The following COL22A1 variants were observed in gnomAD, a reference collection of about 807,000 sequenced individuals.
COL22A1 encodes collagen alpha-1(XXII) chain.
COL22A1 carries 221 observed loss-of-function variants against 248.9 expected under a neutral mutation model. The ratio of observed to expected loss-of-function variants is 0.89; its 90% confidence interval spans 0.80 to 0.99. The LOEUF is 0.99. Ranked by LOEUF, COL22A1 falls within the 50% of genes least tolerant of loss-of-function variation. The pLI is 0.00. For missense variants in COL22A1, 2,240 were observed against 2,179.0 expected (o/e 1.03, Z -0.56); for synonymous variants, 891 against 793.4 (o/e 1.12, Z -2.07).
intron 3 of COL22A1, among the ~76,000 whole-genome samples, chr8:138,872,218 C>T (rs1203341978): frequency 1.3e-5 from 2 of 152,120 alleles, no homozygotes; most frequent in Non-Finnish European, 2.9e-5. Context: ...GTGGAAGCGC[C>T]CAGGAGTCAA....
chr8:138,853,678 G>A (rs1821803834), intron 3 of COL22A1, among the ~76,000 whole-genome samples: 1 of 152,046 alleles, frequency 6.6e-6, no homozygotes. Flanking sequence ...CAAACATTTG[G>A]GATTAAGGCG....
chr8:138,883,059 G>A (rs1407903920), intron 2 of COL22A1, 23 bp downstream of exon 2: 10 of 1,553,700 alleles, frequency 6.4e-6, no homozygotes, highest in South Asian at 1.2e-5. Flanking sequence ...AGCACAGCAT[G>A]GCACAGCCCA....
At chr8:138,847,797 AT>A (rs1019558152) in intron 3 of COL22A1, among the ~76,000 whole-genome samples, 1 of 143,850 alleles carries the variant, frequency 7.0e-6, no homozygotes, top group Non-Finnish European at 1.5e-5. Flanking sequence ...GAGGCATAAG[AT>A]TAAAAAAAAA....
At chr8:138,858,658 G>A (rs552981652) in intron 3 of COL22A1, among the ~76,000 whole-genome samples, 1 of 152,298 alleles carries the variant, frequency 6.6e-6, no homozygotes, top group South Asian at 2.1e-4. Flanking sequence ...TCAGAGAGGA[G>A]GAGCTGAAGA....
rs574305861 is a variant in COL22A1 at position 138,708,438 on chromosome 8, G to C, written c.2518-5091C>G. On this transcript the variant is annotated intron_variant, in intron 30 of 64. Coordinates refer to ENST00000303045, the MANE Select transcript of COL22A1 (RefSeq NM_152888.3). Reference sequence around the variant, plus strand: ...AGCATGGTACTGGTACCAAAACGGAGATATAGACCAATGGAACAGAACAGA... The same window carrying C: ...AGCATGGTACTGGTACCAAAACGGACATATAGACCAATGGAACAGAACAGA... 5.4e-3 allele frequency among the ~76,000 whole-genome samples: 816 copies of C among 152,264 alleles called. 6 individuals are homozygous for C. Among genetic ancestry groups the C allele is most frequent in the African/African-American group, 0.019 (789 of 41,552 alleles).
chr8:138,683,011 TA>T (rs1826074070), intron 39 of COL22A1, among the ~76,000 whole-genome samples: 1 of 152,140 alleles, frequency 6.6e-6, no homozygotes, highest in South Asian at 2.1e-4. Context: ...ACATGCACTT[TA>T]AAACCAGGAC....
At chr8:138,703,807 G>A (rs1586509438) in intron 30 of COL22A1, among the ~76,000 whole-genome samples, 1 of 152,268 alleles carries the variant, frequency 6.6e-6, no homozygotes, top group East Asian at 1.9e-4. Flanking sequence ...CACGGAGTGT[G>A]AGCCAAAGCA....
At chr8:138,708,593 G>A (rs1828686127) in intron 30 of COL22A1, among the ~76,000 whole-genome samples, 1 of 152,188 alleles carries the variant, frequency 6.6e-6, no homozygotes, top group Non-Finnish European at 1.5e-5. Flanking sequence ...TATGTAGAAA[G>A]CTGAAACTGG....
At chr8:138,704,223 G>A (rs937453296) in intron 30 of COL22A1, among the ~76,000 whole-genome samples, 1 of 152,226 alleles carries the variant, frequency 6.6e-6, no homozygotes, top group Non-Finnish European at 1.5e-5. Context: ...ACAAAAGGCA[G>A]CAGAAACTTC....
At chr8:138,743,166 T>A (rs187286352) in intron 22 of COL22A1, among the ~76,000 whole-genome samples, 2 of 149,962 alleles carry the variant, frequency 1.3e-5, no homozygotes, top group East Asian at 2.0e-4. Flanking sequence ...GTGGTAGTGA[T>A]CACGATGGTG....
intron 47 of COL22A1, among the ~76,000 whole-genome samples, chr8:138,645,923 C>T (rs529074074): frequency 6.6e-6 from 1 of 152,150 alleles, no homozygotes; most frequent in African/African-American, 2.4e-5. Context: ...TGGGGAGCAC[C>T]AATGACAGCG....
In COL22A1 at chr8:138,595,715, G is replaced by T. The variant is rs555243818; in HGVS notation, c.4432+1189C>A. ...CTCCAAGAGGACAGGAAGGAGGGCC[G>T]TCTTGTTTATAGCTGTGTCCTTGCT... On this transcript the variant is annotated intron_variant, in intron 62 of 64. Transcript: ENST00000303045. 3.3e-5 allele frequency among the ~76,000 whole-genome samples: 5 copies of T among 152,092 alleles called. No individual in the cohort carries two copies. In the East Asian group the frequency reaches 9.6e-4, roughly 29 times the overall value.
chr8:138,816,342 C>A (rs762994005), intron 7 of COL22A1, among the ~76,000 whole-genome samples: 1 of 152,158 alleles, frequency 6.6e-6, no homozygotes, highest in African/African-American at 2.4e-5. Flanking sequence ...TTCCTCCCTG[C>A]CCCACACCCT....
chr8:138,889,560 T>C (rs1163869171), intron 1 of COL22A1, among the ~76,000 whole-genome samples: 2 of 151,998 alleles, frequency 1.3e-5, no homozygotes, highest in Non-Finnish European at 2.9e-5. Context: ...CTGAGGACTG[T>C]TGTGGGGTGG....
At chr8:138,889,790 T>TCATC (rs1354789427) in intron 1 of COL22A1, among the ~76,000 whole-genome samples, 1 of 152,204 alleles carries the variant, frequency 6.6e-6, no homozygotes, top group Non-Finnish European at 1.5e-5. Flanking sequence ...ATAAAATGGA[T>TCATC]CATCCATCGT....
In COL22A1 at chr8:138,716,164, G is replaced by T. The variant is rs1829415910; in HGVS notation, c.2463+63C>A. The T allele has an allele frequency of 6.2e-6, 8 of 1,295,974 alleles. No homozygotes were observed. The Admixed American group carries it at 8.3e-5, about 13-fold the overall frequency. The allele number at this position is 1,295,974 out of a possible 1,614,324, so 80.3% of individuals were successfully genotyped here. A position where few individuals can be genotyped will look rare whatever the true frequency, so the allele number is the denominator to read the frequency against. Reference sequence around the variant, plus strand: ...TCCCGAGGGACTGAGACTCCACAGGGGGCTGCTCTCTGTGGAGATGGGCGA... The same window carrying T: ...TCCCGAGGGACTGAGACTCCACAGGTGGCTGCTCTCTGTGGAGATGGGCGA... On this transcript the variant is annotated intron_variant, in intron 29 of 64. Coordinates refer to ENST00000303045, the MANE Select transcript of COL22A1 (RefSeq NM_152888.3).
intron 1 of COL22A1, among the ~76,000 whole-genome samples, chr8:138,904,769 T>C (rs1814890641): frequency 1.3e-5 from 2 of 152,186 alleles, no homozygotes; most frequent in South Asian, 2.1e-4. Flanking sequence ...GTATAAATAG[T>C]GCTCCAGCAT....
intron 1 of COL22A1, among the ~76,000 whole-genome samples, chr8:138,911,555 T>A (rs1451571603): frequency 6.6e-6 from 1 of 152,180 alleles, no homozygotes; most frequent in African/African-American, 2.4e-5. Flanking sequence ...ACATGCCTTG[T>A]CTAAAGGGGA....
chr8:138,664,041 C>A (rs1453020324), intron 41 of COL22A1, among the ~76,000 whole-genome samples: 1 of 151,612 alleles, frequency 6.6e-6, no homozygotes, highest in Non-Finnish European at 1.5e-5. Context: ...TGAGGTTGAA[C>A]CTGGCAGCCC....
Sources: allele counts gnomAD v4.1 joint callset (sites outside exome capture counted in the v4.1 genomes callset), GRCh38; gene constraint gnomAD v4.1.1; transcripts MANE v1.5; gene names NCBI Gene and HGNC (gene_info 2026-07-23, HGNC 2026-07-21).